The following FBXW11 variants were observed in gnomAD, a reference collection of about 807,000 sequenced individuals.
FBXW11 encodes the protein F-box and WD repeat domain containing 11.
In FBXW11, 19 loss-of-function variants were observed where a neutral mutation model predicts 77.6. That is an observed-to-expected ratio of 0.24 (90% confidence interval 0.17 to 0.36). The LOEUF is 0.36. Ranked by LOEUF, FBXW11 falls within the 10% of genes least tolerant of loss-of-function variation. The probability of loss-of-function intolerance (pLI) is 1.00; values close to 1 mark genes in which losing one functional copy is unlikely to be tolerated. For synonymous variants in FBXW11, 235 were observed against 249.4 expected (o/e 0.94, Z 0.54); for missense variants, 334 against 704.2 (o/e 0.47, Z 5.95).
chr5:171,878,220 A>G, intron 7 of FBXW11, 91 bp from the exon 8 acceptor site: 1 of 880,250 alleles, frequency 1.1e-6, no homozygotes, highest in Non-Finnish European at 1.8e-6. Flanking sequence ...ATTATAAAAT[A>G]AAACACACTT....
intron 2 of FBXW11, among the ~76,000 whole-genome samples, chr5:171,955,467 C>T (rs953797103): frequency 6.6e-6 from 1 of 152,166 alleles, no homozygotes; most frequent in African/African-American, 2.4e-5. Flanking sequence ...ATATAAGCAA[C>T]AGGCCTTCTT....
chr5:171,886,430 G>C (rs1357825662), intron 7 of FBXW11, among the ~76,000 whole-genome samples: 2 of 148,938 alleles, frequency 1.3e-5, no homozygotes, highest in East Asian at 2.0e-4. Flanking sequence ...TGTGGGGTTG[G>C]GGGAGGGGGG....
intron 1 of FBXW11, among the ~76,000 whole-genome samples, chr5:171,995,516 G>A (rs1765986820): frequency 6.6e-6 from 1 of 152,164 alleles, no homozygotes; most frequent in Non-Finnish European, 1.5e-5. Flanking sequence ...CACTTTGGGA[G>A]GCTGAGGTGG....
At chr5:171,930,956 G>C (rs867615771) in intron 2 of FBXW11, among the ~76,000 whole-genome samples, 23 of 151,702 alleles carry the variant, frequency 1.5e-4, no homozygotes, top group South Asian at 2.1e-4. Context: ...GATATAATTA[G>C]GTATAAATCT....
At chr5:171,916,088 C>T (rs552084361) in intron 2 of FBXW11, among the ~76,000 whole-genome samples, 5 of 77,984 alleles carry the variant, frequency 6.4e-5, no homozygotes, top group East Asian at 7.4e-4. Context: ...TGGGGCCTGT[C>T]GTGGGGTGGG....
chr5:171,933,692 C>T (rs1762333927), intron 2 of FBXW11, among the ~76,000 whole-genome samples: 1 of 152,210 alleles, frequency 6.6e-6, no homozygotes, highest in Non-Finnish European at 1.5e-5. Context: ...AGCCTTTCCT[C>T]CCACCATCAC....
intron 1 of FBXW11, among the ~76,000 whole-genome samples, chr5:172,003,770 A>T (rs991371984): frequency 5.9e-5 from 9 of 152,348 alleles, no homozygotes; most frequent in African/African-American, 1.9e-4. Flanking sequence ...TTCCTAATAT[A>T]CTTATCAAAA....
intron 2 of FBXW11, chr5:171,916,549 G>A (rs1761265321): frequency 1.4e-6 from 1 of 733,394 alleles, no homozygotes; most frequent in African/African-American, 1.9e-5. Flanking sequence ...GAAGAACAAG[G>A]AAACAAAGGT....
chr5:171,935,098 C>A (rs541356623), intron 2 of FBXW11, among the ~76,000 whole-genome samples: 5 of 152,276 alleles, frequency 3.3e-5, no homozygotes, highest in African/African-American at 1.2e-4. Context: ...GGACTACAGG[C>A]GCCTGCCACC....
chr5:171,907,298 C>T (rs549482685), intron 4 of FBXW11, among the ~76,000 whole-genome samples: 6 of 152,246 alleles, frequency 3.9e-5, no homozygotes, highest in African/African-American at 1.4e-4. Context: ...TAATGGTTTT[C>T]ACAATCAAAT....
In FBXW11 at chr5:171,942,707, T is replaced by G. The variant is rs112938776; in HGVS notation, c.147+14890A>C. Among the ~76,000 whole-genome samples the G allele has an allele frequency of 8.7e-3, 1,325 of 152,036 alleles. 9 individuals carry two copies. Among genetic ancestry groups the G allele is most frequent in the Non-Finnish European group, 0.012 (826 of 67,962 alleles). ...AGTCCAGTTGCTCAGAAGGCTGAGGTAGGACGATCACCTGAGCCCAGGAGG... is the reference window on the plus strand; with the variant it reads ...AGTCCAGTTGCTCAGAAGGCTGAGGGAGGACGATCACCTGAGCCCAGGAGG... On this transcript the variant is annotated intron_variant, in intron 2 of 13. Coordinates refer to ENST00000517395, the MANE Select transcript of FBXW11 (RefSeq NM_001378974.1).
At chr5:171,909,149 A>C (rs1760723193) in intron 4 of FBXW11, among the ~76,000 whole-genome samples, 1 of 152,178 alleles carries the variant, frequency 6.6e-6, no homozygotes, top group Non-Finnish European at 1.5e-5. Flanking sequence ...ATTCATGATT[A>C]ATCATATTCA....
chr5:171,871,364 C>T (rs1198994856), intron 10 of FBXW11, among the ~76,000 whole-genome samples: 1 of 152,178 alleles, frequency 6.6e-6, no homozygotes, highest in African/African-American at 2.4e-5. Context: ...ACTTCTAGCA[C>T]AGTGGAGTCC....
At chr5:171,881,119 A>T (rs969427282) in intron 7 of FBXW11, among the ~76,000 whole-genome samples, 3 of 152,114 alleles carry the variant, frequency 2.0e-5, no homozygotes, top group African/African-American at 7.2e-5. Context: ...TAGTTCTAGG[A>T]GGTTTTTTTT....
intron 1 of FBXW11, among the ~76,000 whole-genome samples, chr5:171,978,597 C>A (rs1037664158): frequency 1.3e-5 from 2 of 152,162 alleles, no homozygotes; most frequent in Non-Finnish European, 2.9e-5. Flanking sequence ...CATCCAGAGC[C>A]AGAGTCTACG....
rs867776603 is a variant in FBXW11 at position 171,929,465 on chromosome 5, A to G, written c.148-15060T>C. 1.3e-5 allele frequency among the ~76,000 whole-genome samples: 2 copies of G among 152,346 alleles called. 1 individual carries two copies. The highest frequency in any genetic ancestry group is 4.1e-4 in the South Asian group (2 of 4,832). On this transcript the variant is annotated intron_variant, in intron 2 of 13. Coordinates refer to ENST00000517395, the MANE Select transcript of FBXW11 (RefSeq NM_001378974.1). The stretch of plus-strand genomic sequence containing the variant: ...CAAGTTTCACTATAGTCAATGCAAC[A>G]GAGCAAGAAAAAGAAATAAAAACAT...
chr5:171,866,146 C>A (rs1581115183), intron 13 of FBXW11, among the ~76,000 whole-genome samples: 1 of 151,922 alleles, frequency 6.6e-6, no homozygotes, highest in Admixed American at 6.6e-5. Context: ...ATGCCTGTAG[C>A]CCCAGCTACT....
chr5:171,916,126 T>A (rs1299122363), intron 2 of FBXW11, among the ~76,000 whole-genome samples: 1 of 151,304 alleles, frequency 6.6e-6, no homozygotes, highest in African/African-American at 2.4e-5. Context: ...CATTAGGAGA[T>A]ATACCTAATG....
chr5:171,983,208 A>C (rs1016580271), intron 1 of FBXW11, among the ~76,000 whole-genome samples: 2 of 152,094 alleles, frequency 1.3e-5, no homozygotes, highest in Non-Finnish European at 2.9e-5. Flanking sequence ...AAACAAAAAA[A>C]CCAAGAGGAC....
Sources: gnomAD v4.1 joint callset for allele counts (sites outside exome capture counted in the v4.1 genomes callset) on GRCh38, gnomAD v4.1.1 for gene constraint, MANE v1.5 for transcripts, NCBI Gene and HGNC (gene_info 2026-07-23, HGNC 2026-07-21) for gene names.